CACNA1S: variants seen among roughly 807,000 people sequenced by gnomAD.
The protein encoded by CACNA1S is calcium voltage-gated channel subunit alpha1 S, also known as voltage-dependent L-type calcium channel subunit alpha-1S.
Under a neutral mutation model 207.4 loss-of-function variants are expected in CACNA1S, and 126 were observed. The observed-to-expected ratio is 0.61, with a 90% CI of 0.53 to 0.70. The LOEUF is 0.70. Among genes scored for constraint, CACNA1S ranks in the 30% least tolerant of loss-of-function variants. CACNA1S has a pLI of 0.00. For missense variants in CACNA1S, 2,349 were observed against 2,422.8 expected (o/e 0.97, Z 0.64); for synonymous variants, 960 against 932.7 (o/e 1.03, Z -0.53).
Position 201,048,776 on chromosome 1 carries a change from C to T in CACNA1S, c.4339-92G>A, listed in dbSNP as rs571882966. ...ACCCGGTCTGTGGACCGGGAGGGGACGGGACACGAGGGCTGGGGGTGTCAG... is the reference window on the plus strand; with the variant it reads ...ACCCGGTCTGTGGACCGGGAGGGGATGGGACACGAGGGCTGGGGGTGTCAG... On this transcript the variant is annotated intron_variant, in intron 35 of 43. Coordinates refer to ENST00000362061, the MANE Select transcript of CACNA1S (RefSeq NM_000069.3). The T allele has an allele frequency of 1.8e-3, 2,124 of 1,158,202 alleles. 37 individuals carry two copies. The South Asian group carries it at 0.023, about 12-fold the overall frequency. The allele number at this position is 1,158,202 out of a possible 1,614,324, so 71.7% of individuals were successfully genotyped here. A position where few individuals can be genotyped will look rare whatever the true frequency, so the allele number is the denominator to read the frequency against.
At chr1:201,094,469 G>T (rs911815121) in intron 2 of CACNA1S, among the ~76,000 whole-genome samples, 1 of 151,698 alleles carries the variant, frequency 6.6e-6, no homozygotes, top group African/African-American at 2.4e-5. Context: ...TCGACTTCCA[G>T]ATATTAGAAT....
rs370853253 is a variant in CACNA1S at position 201,110,297 on chromosome 1, G to A, written c.153-28C>T. ...GGAGCCAGGGTTAAGGAGAGCCCTC[G>A]AGTGAGGCAAGGGACTTACAGGGTT... On this transcript the variant is annotated intron_variant, in intron 1 of 43. Coordinates refer to ENST00000362061, the MANE Select transcript of CACNA1S (RefSeq NM_000069.3). 113 of 1,598,040 alleles carry A rather than the reference G, an allele frequency of 7.1e-5. No individual in the cohort carries two copies. In the African/African-American group the frequency reaches 1.2e-3, roughly 17 times the overall value.
intron 23 of CACNA1S, 49 bp from the exon 24 acceptor site, chr1:201,062,139 T>G (rs1282824651): frequency 6.2e-7 from 1 of 1,600,234 alleles, no homozygotes; most frequent in Non-Finnish European, 8.5e-7. Context: ...TGGGCTGCCT[T>G]GCCCCACCCA....
chr1:201,094,025 T>C lies in CACNA1S; in HGVS notation c.259-4A>G. The C allele has an allele frequency of 6.2e-7, 1 of 1,614,172 alleles. No homozygotes were observed. Among genetic ancestry groups the C allele is most frequent in the African/African-American group, 1.3e-5 (1 of 75,050 alleles). The stretch of plus-strand genomic sequence containing the variant: ...GGAAGAAATACTCCAGCTTCTCCTG[T>C]GGGAGCAAACGTGGTCACAGCATGC... On this transcript the variant is annotated splice_polypyrimidine_tract_variant and splice_region_variant and intron_variant, in intron 2 of 43. Coordinates refer to ENST00000362061, the MANE Select transcript of CACNA1S (RefSeq NM_000069.3).
At position 201,047,606 on chromosome 1, in the gene CACNA1S, CGTT is replaced by C; in HGVS notation, c.4459_4461del (p.Asn1487del). 6.2e-7 allele frequency: 1 copy of C among 1,614,146 alleles called. No homozygotes were observed. The highest frequency in any genetic ancestry group is 1.3e-5 in the African/African-American group (1 of 75,050). On this transcript the variant is annotated inframe_deletion, in exon 37 of 44. Coordinates refer to ENST00000362061, the MANE Select transcript of CACNA1S (RefSeq NM_000069.3). Reference sequence around the variant, plus strand: ...TTCTTGATGATGGCCCTCAGCTCCTCGTTGGCCTGCTCAAAGTTACCTGGAGCA... The same window carrying C: ...TTCTTGATGATGGCCCTCAGCTCCTCGGCCTGCTCAAAGTTACCTGGAGCA...
At position 201,110,146 on chromosome 1, in the gene CACNA1S, T is replaced by C; in HGVS notation, c.258+18A>G. The C allele has an allele frequency of 1.9e-6, 3 of 1,609,216 alleles. No individual in the cohort carries two copies. Among genetic ancestry groups the C allele is most frequent in the Non-Finnish European group, 1.7e-6 (2 of 1,175,666 alleles). On this transcript the variant is annotated intron_variant, in intron 2 of 43. Transcript: ENST00000362061. ...GGCTGCAGGCTCGCAGGAAGGGAGA[T>C]GGAAGGGCCAATCTTACCAGGCCGA...
rs199625342 is a variant in CACNA1S, at chr1:201,083,144, C to T, written c.1393+18G>A. The T allele has an allele frequency of 1.2e-6, 2 of 1,612,516 alleles. No homozygotes were observed. Among genetic ancestry groups the T allele is most frequent in the Non-Finnish European group, 8.5e-7 (1 of 1,179,508 alleles). ...GCCACATGTGCCCTCCTCCCGGCTT[C>T]ACTCCGTTCCGCCTCACCTTGCAAA... On this transcript the variant is annotated intron_variant, in intron 10 of 43. Coordinates refer to ENST00000362061, the MANE Select transcript of CACNA1S (RefSeq NM_000069.3).
chr1:201,095,063 G>C (rs1460003571), intron 2 of CACNA1S, among the ~76,000 whole-genome samples: 1 of 152,144 alleles, frequency 6.6e-6, no homozygotes, highest in Admixed American at 6.5e-5. Flanking sequence ...AGCCTCCCGA[G>C]GGGGTGCTGA....
At position 201,053,041 on chromosome 1, in the gene CACNA1S, A is replaced by C. The variant is rs551741614; in HGVS notation, c.3861+168T>G. Among the ~76,000 whole-genome samples, 3 of 151,982 alleles carry C rather than the reference A, an allele frequency of 2.0e-5. No individual in the cohort carries two copies. The South Asian group carries it at 6.2e-4, about 32-fold the overall frequency. On this transcript the variant is annotated intron_variant, in intron 31 of 43. Transcript: ENST00000362061. This position sits in a 1 kb window ranked among gnomAD's most constrained non-coding sequence, Gnocchi z 5.1. ...CCTGGCTGGCATCCAAGCATCTGAC[A>C]CTCCAGCCATCCACGATCAGGGAGG...
chr1:201,109,832 C>A (rs1663031100), intron 2 of CACNA1S, among the ~76,000 whole-genome samples: 1 of 152,326 alleles, frequency 6.6e-6, no homozygotes, highest in Non-Finnish European at 1.5e-5. Context: ...CCTTACTAAG[C>A]CTCAGTTTCC....
chr1:201,105,046 TTGC>T (rs1001897747), intron 2 of CACNA1S, among the ~76,000 whole-genome samples: 1 of 152,220 alleles, frequency 6.6e-6, no homozygotes, highest in African/African-American at 2.4e-5. Flanking sequence ...AATGTCATTG[TTGC>T]TGCTGCTGCT....
rs373474454 is a variant in CACNA1S at position 201,049,908 on chromosome 1, A to G, written c.4241+481T>C. Among the ~76,000 whole-genome samples, 4 of 152,308 alleles carry G rather than the reference A, an allele frequency of 2.6e-5. No homozygotes were observed. In the East Asian group the frequency reaches 7.7e-4, roughly 29 times the overall value. ...AGTTTCCTCATCTGAGACTGAGACC[A>G]TCGGGAGATGCCTATTTCCTATCGG... On this transcript the variant is annotated intron_variant, in intron 34 of 43. Transcript: ENST00000362061.
intron 37 of CACNA1S, 55 bp downstream of exon 37, chr1:201,047,470 C>T: frequency 6.9e-7 from 1 of 1,458,730 alleles, no homozygotes; most frequent in Non-Finnish European, 9.6e-7. Flanking sequence ...GGAGAAGCTC[C>T]CCACTCCCAT....
At position 201,092,376 on chromosome 1, in the gene CACNA1S, G is replaced by A. The variant is rs3753961; in HGVS notation, c.399-262C>T. Reference sequence around the variant, plus strand: ...GTGAGGTCTACTTTGGGTGCTGAACGGGGGTGAGGTATGTGTGCCACAGGG... The same window carrying A: ...GTGAGGTCTACTTTGGGTGCTGAACAGGGGTGAGGTATGTGTGCCACAGGG... On this transcript the variant is annotated intron_variant, in intron 3 of 43. Transcript: ENST00000362061. Among the ~76,000 whole-genome samples the A allele has an allele frequency of 1.1e-3, 171 of 152,264 alleles. 1 individual carries two copies. The East Asian group carries it at 0.025, about 22-fold the overall frequency.
intron 27 of CACNA1S, 44 bp downstream of exon 27, chr1:201,059,145 A>C (rs1572033539): frequency 7.6e-7 from 1 of 1,307,200 alleles, no homozygotes; most frequent in Non-Finnish European, 1.1e-6. Flanking sequence ...GGTCCCACCC[A>C]CCAGCCCCAG....
At position 201,066,168 on chromosome 1, in the gene CACNA1S, G is replaced by A. The variant is rs1304168363; in HGVS notation, c.2745+61C>T. 6.4e-5 allele frequency: 95 copies of A among 1,490,438 alleles called. 1 individual carries two copies. Among genetic ancestry groups the A allele is most frequent in the East Asian group, 2.3e-4 (10 of 44,308 alleles). The allele number at this position is 1,490,438 out of a possible 1,614,324, so 92.3% of individuals were successfully genotyped here. A position where few individuals can be genotyped will look rare whatever the true frequency, so the allele number is the denominator to read the frequency against. The stretch of plus-strand genomic sequence containing the variant: ...ATGGCTGGGCTGAGGTTTCTGGAGC[G>A]AGGAGGCCCCTGTAACCCCTCCCAT... On this transcript the variant is annotated intron_variant, in intron 21 of 43. Coordinates refer to ENST00000362061, the MANE Select transcript of CACNA1S (RefSeq NM_000069.3). This position sits in a 1 kb window ranked among gnomAD's most constrained non-coding sequence, Gnocchi z 4.3.
intron 24 of CACNA1S, 132 bp downstream of exon 24, chr1:201,061,812 A>T: frequency 9.7e-7 from 1 of 1,029,672 alleles, no homozygotes; most frequent in Non-Finnish European, 1.5e-6. Flanking sequence ...TCAAACCATC[A>T]GAGAGTTGGT....
Position 201,066,114 on chromosome 1 carries a change from C to A in CACNA1S, c.2745+115G>T. ...CCAGCCTCATCCTTACCCCTATCTG[C>A]CCAGGGAGATGGGACAGGGGTCCCA... On this transcript the variant is annotated intron_variant, in intron 21 of 43. Transcript: ENST00000362061. The surrounding 1 kb of genome is among the most constrained non-coding windows in gnomAD (Gnocchi z 4.3). 9.2e-7 allele frequency: 1 copy of A among 1,085,516 alleles called. No individual in the cohort carries two copies. The highest frequency in any genetic ancestry group is 1.3e-5 in the South Asian group (1 of 78,348). The allele number at this position is 1,085,516 out of a possible 1,614,324, so 67.2% of individuals were successfully genotyped here. A position where few individuals can be genotyped will look rare whatever the true frequency, so the allele number is the denominator to read the frequency against.
intron 19 of CACNA1S, among the ~76,000 whole-genome samples, chr1:201,068,221 C>T (rs958100386): frequency 2.9e-4 from 43 of 148,874 alleles, no homozygotes; most frequent in Non-Finnish European, 4.2e-4. Context: ...CACAGCTCCC[C>T]GGCTCTGCTC....
Sources: allele counts gnomAD v4.1 joint callset (sites outside exome capture counted in the v4.1 genomes callset), GRCh38; gene constraint gnomAD v4.1.1; non-coding constraint Gnocchi (gnomAD v3.1); transcripts MANE v1.5; gene names NCBI Gene and HGNC (gene_info 2026-07-23, HGNC 2026-07-21).